Variants in OPCML observed in about 807,000 individuals in gnomAD.
The protein encoded by OPCML is opioid binding protein/cell adhesion molecule like.
In OPCML, 13 loss-of-function variants were observed where a neutral mutation model predicts 37.8. That is an observed-to-expected ratio of 0.34 (90% CI 0.22 to 0.55). The LOEUF (loss-of-function observed/expected upper bound fraction) is 0.55, where lower values mean the gene tolerates loss of function less well. Among genes scored for constraint, OPCML ranks in the 20% least tolerant of loss-of-function variants. The probability of loss-of-function intolerance (pLI) is 0.91; values close to 1 mark genes in which losing one functional copy is unlikely to be tolerated. For synonymous variants in OPCML, 176 were observed against 168.8 expected (o/e 1.04, Z -0.33); for missense variants, 341 against 435.6 (o/e 0.78, Z 1.93).
chr11:132,994,268 G>C (rs1228058937), intron 1 of OPCML, among the ~76,000 whole-genome samples: 1 of 152,174 alleles, frequency 6.6e-6, no homozygotes, highest in African/African-American at 2.4e-5. Context: ...GGCTTTTACG[G>C]CCGGAACTCG....
chr11:132,510,775 A>C (rs2096267194), intron 4 of OPCML, among the ~76,000 whole-genome samples: 1 of 152,202 alleles, frequency 6.6e-6, no homozygotes, highest in Non-Finnish European at 1.5e-5. Context: ...AAAACGGACT[A>C]ATAAACACAC....
chr11:132,651,433 C>T (rs903562204), intron 3 of OPCML, among the ~76,000 whole-genome samples: 1 of 152,148 alleles, frequency 6.6e-6, no homozygotes, highest in Non-Finnish European at 1.5e-5. Context: ...ATTTTGATAA[C>T]TTTTTTTCTC....
intron 1 of OPCML, among the ~76,000 whole-genome samples, chr11:133,415,342 A>G (rs1464272246): frequency 2.0e-5 from 3 of 152,028 alleles, no homozygotes; most frequent in Admixed American, 6.5e-5. Flanking sequence ...CCCAGGAGGC[A>G]GAACTTGCAG....
chr11:132,729,442 G>A (rs1945001623), intron 2 of OPCML, among the ~76,000 whole-genome samples: 1 of 152,114 alleles, frequency 6.6e-6, no homozygotes, highest in African/African-American at 2.4e-5. Flanking sequence ...AAACGGGCTG[G>A]TCAAACTTGA....
intron 1 of OPCML, among the ~76,000 whole-genome samples, chr11:133,016,365 G>A (rs1259120184): frequency 6.6e-6 from 1 of 152,088 alleles, no homozygotes; most frequent in African/African-American, 2.4e-5. Flanking sequence ...TTGATTCCTT[G>A]ATGGCTATTG....
chr11:133,343,465 T>TA (rs1361446528), intron 1 of OPCML, among the ~76,000 whole-genome samples: 1 of 152,218 alleles, frequency 6.6e-6, no homozygotes, highest in Non-Finnish European at 1.5e-5. Context: ...AGCCAAGCCT[T>TA]ATATTGCAAT....
intron 1 of OPCML, among the ~76,000 whole-genome samples, chr11:133,001,599 A>T (rs764141137): frequency 6.6e-6 from 1 of 152,200 alleles, no homozygotes; most frequent in Non-Finnish European, 1.5e-5. Context: ...AAAGTGGAGG[A>T]GTTATCATGT....
intron 1 of OPCML, among the ~76,000 whole-genome samples, chr11:133,453,042 T>C (rs1367647882): frequency 1.3e-5 from 2 of 152,194 alleles, no homozygotes; most frequent in Admixed American, 6.5e-5. Flanking sequence ...CTGTGCCACA[T>C]ACAAAGGCTC....
At chr11:132,679,082 AAG>A (rs1031087538) in intron 2 of OPCML, among the ~76,000 whole-genome samples, 12 of 152,222 alleles carry the variant, frequency 7.9e-5, no homozygotes, top group South Asian at 2.1e-4. Flanking sequence ...GACAATAAAA[AAG>A]AAAATATTAA....
intron 1 of OPCML, among the ~76,000 whole-genome samples, chr11:133,285,024 TAAAC>T (rs753809179): frequency 1.8e-4 from 27 of 151,896 alleles, no homozygotes; most frequent in Non-Finnish European, 3.4e-4. Context: ...ACGAGATACA[TAAAC>T]AAATCAAATC....
intron 3 of OPCML, among the ~76,000 whole-genome samples, chr11:132,558,258 T>G: frequency 6.7e-6 from 1 of 150,042 alleles, no homozygotes; most frequent in Non-Finnish European, 1.5e-5. Flanking sequence ...CTTCTTCCTC[T>G]TCCTTCTCCT....
intron 2 of OPCML, among the ~76,000 whole-genome samples, chr11:132,802,911 CT>C (rs1436218667): frequency 6.6e-6 from 1 of 152,148 alleles, no homozygotes; most frequent in Non-Finnish European, 1.5e-5. Flanking sequence ...AAATTAAATG[CT>C]TTTTTCTTCC....
At position 133,134,250 on chromosome 11, in the gene OPCML, C is replaced by A. The variant is rs567732043; in HGVS notation, c.62-191240G>T. On this transcript the variant is annotated intron_variant, in intron 1 of 7. Transcript: ENST00000524381. ...GCCCCTTTCCTGCTCACATGACCAGCACCACAAAACCTGCTTCACTTCCCC... is the reference window on the plus strand; with the variant it reads ...GCCCCTTTCCTGCTCACATGACCAGAACCACAAAACCTGCTTCACTTCCCC... Among the ~76,000 whole-genome samples, 584 of 152,274 alleles carry A rather than the reference C, an allele frequency of 3.8e-3. 4 individuals carry two copies. Among genetic ancestry groups the A allele is most frequent in the Middle Eastern group, 0.031 (9 of 294 alleles).
chr11:133,168,921 G>A (rs966130076), intron 1 of OPCML, among the ~76,000 whole-genome samples: 4 of 144,632 alleles, frequency 2.8e-5, no homozygotes, highest in African/African-American at 1.0e-4. Flanking sequence ...CTGAGGTCAG[G>A]AGTTCAAAAC....
chr11:132,424,918 T>G (rs145316818), intron 7 of OPCML, among the ~76,000 whole-genome samples: 184 of 151,636 alleles, frequency 1.2e-3, no homozygotes, highest in African/African-American at 4.4e-3. Context: ...GGTAAGGGAG[T>G]GAGTAAAGAG....
At chr11:132,638,186 T>C (rs71263362) in intron 3 of OPCML, among the ~76,000 whole-genome samples, 1,515 of 130,614 alleles carry the variant, frequency 0.012, 45 homozygotes, top group African/African-American at 0.026. Flanking sequence ...TATATATATA[T>C]ACAGAGAGAG....
At chr11:133,264,829 G>A (rs1430816865) in intron 1 of OPCML, among the ~76,000 whole-genome samples, 2 of 152,092 alleles carry the variant, frequency 1.3e-5, no homozygotes, top group African/African-American at 4.8e-5. Flanking sequence ...ATCATAAATA[G>A]GGCATAGATC....
At chr11:132,719,045 C>A (rs1356062212) in intron 2 of OPCML, among the ~76,000 whole-genome samples, 2 of 152,102 alleles carry the variant, frequency 1.3e-5, no homozygotes, top group Non-Finnish European at 2.9e-5. Context: ...CAAGGCTGAC[C>A]CCAAAATACG....
chr11:132,836,007 C>T (rs1240379193), intron 2 of OPCML, among the ~76,000 whole-genome samples: 1 of 152,304 alleles, frequency 6.6e-6, no homozygotes, highest in African/African-American at 2.4e-5. Context: ...AAGAAATTCG[C>T]TCTCTAAAAT....
Sources: gnomAD v4.1 joint callset for allele counts (sites outside exome capture counted in the v4.1 genomes callset) on GRCh38, gnomAD v4.1.1 for gene constraint, MANE v1.5 for transcripts, NCBI Gene and HGNC (gene_info 2026-07-23, HGNC 2026-07-21) for gene names.